The following SLC2A9 variants were observed in gnomAD, a reference collection of about 807,000 sequenced individuals.
The protein encoded by SLC2A9 is solute carrier family 2, facilitated glucose transporter member 9.
In SLC2A9, 39 loss-of-function variants were observed where a neutral mutation model predicts 50.6. That is an observed-to-expected ratio of 0.77 (90% CI 0.60 to 1.01). The LOEUF (loss-of-function observed/expected upper bound fraction) is 1.01. SLC2A9 is among the 50% of genes least tolerant of loss of function. The pLI is 0.00. For synonymous variants in SLC2A9, 324 were observed against 276.9 expected, an observed-to-expected ratio of 1.17 and a Z score of -1.69; for missense variants, 686 against 677.6, an observed-to-expected ratio of 1.01 and a Z score of -0.14.
chr4:9,833,072 C>T (rs1409665586), intron 11 of SLC2A9, among the ~76,000 whole-genome samples: 3 of 152,148 alleles, frequency 2.0e-5, no homozygotes, highest in Admixed American at 6.5e-5. Context: ...TTAACTTTTG[C>T]CACAATAATG....
At chr4:9,843,322 TAAC>T (rs932086860) in intron 10 of SLC2A9, among the ~76,000 whole-genome samples, 1 of 152,202 alleles carries the variant, frequency 6.6e-6, no homozygotes, top group Admixed American at 6.6e-5. Flanking sequence ...CCATTACTAA[TAAC>T]AACAGTGAAG....
chr4:9,939,206 C>G (rs1747678105), intron 6 of SLC2A9, among the ~76,000 whole-genome samples: 1 of 152,154 alleles, frequency 6.6e-6, no homozygotes. Flanking sequence ...TAAGGCCAAC[C>G]TAGGTCAGCC....
intron 3 of SLC2A9, among the ~76,000 whole-genome samples, chr4:9,818,446 C>G (rs776815358): frequency 6.6e-6 from 1 of 152,164 alleles, no homozygotes. Context: ...ATTGCAATAG[C>G]GGAGACAGCT....
intron 3 of SLC2A9, among the ~76,000 whole-genome samples, chr4:9,804,500 G>C (rs1239354440): frequency 6.6e-6 from 1 of 152,022 alleles, no homozygotes; most frequent in Non-Finnish European, 1.5e-5. Flanking sequence ...GTGAGGGGTA[G>C]GACCCTCTTT....
chr4:9,972,330 C>T (rs1257915982), intron 5 of SLC2A9, among the ~76,000 whole-genome samples: 1 of 152,076 alleles, frequency 6.6e-6, no homozygotes, highest in Non-Finnish European at 1.5e-5. Context: ...TCATCTAAGT[C>T]TATTTCTTCT....
chr4:9,833,411 T>C (rs1207162418), intron 11 of SLC2A9, among the ~76,000 whole-genome samples: 1 of 152,140 alleles, frequency 6.6e-6, no homozygotes, highest in African/African-American at 2.4e-5. Context: ...GGTGGTGAAG[T>C]GGAGAAACTG....
intron 8 of SLC2A9, among the ~76,000 whole-genome samples, chr4:9,897,109 A>G (rs1179708059): frequency 6.6e-6 from 1 of 152,232 alleles, no homozygotes; most frequent in Non-Finnish European, 1.5e-5. Flanking sequence ...CTAAGGTTGC[A>G]CAGTGAGTCA....
intron 3 of SLC2A9, among the ~76,000 whole-genome samples, chr4:9,802,712 C>G (rs766657424): frequency 3.6e-4 from 54 of 151,972 alleles, no homozygotes; most frequent in Non-Finnish European, 7.2e-4. Context: ...GTGCCCACCA[C>G]TACGCCTGGC....
At chr4:9,828,073 C>A (rs1725434272) in intron 11 of SLC2A9, among the ~76,000 whole-genome samples, 1 of 152,220 alleles carries the variant, frequency 6.6e-6, no homozygotes, top group Admixed American at 6.5e-5. Flanking sequence ...AGTGGAGCCT[C>A]TAAAACTGCC....
chr4:10,012,187 T>C (rs2109443631), intron 2 of SLC2A9, among the ~76,000 whole-genome samples: 1 of 152,338 alleles, frequency 6.6e-6, no homozygotes, highest in Non-Finnish European at 1.5e-5. Flanking sequence ...GAACGTTTGC[T>C]GATTCACAGA....
intron 3 of SLC2A9, among the ~76,000 whole-genome samples, chr4:9,819,020 A>G (rs7656266): frequency 0.93 from 141,482 of 151,598 alleles, 66,303 homozygotes; most frequent in Non-Finnish European, 0.96. Flanking sequence ...AACTCGGGAG[A>G]CTGAGGCAGA....
chr4:9,828,296 T>A (rs148507678), intron 11 of SLC2A9, among the ~76,000 whole-genome samples: 1 of 152,334 alleles, frequency 6.6e-6, no homozygotes, highest in East Asian at 1.9e-4. Flanking sequence ...CAAGCCACCA[T>A]CATGTTTTGC....
chr4:9,845,770 C>A (rs1397908085), intron 10 of SLC2A9, among the ~76,000 whole-genome samples: 1 of 152,150 alleles, frequency 6.6e-6, no homozygotes, highest in Non-Finnish European at 1.5e-5. Context: ...TGCCTATAAA[C>A]CCCCTTAGAA....
chr4:9,837,900 G>C (rs930714636), intron 10 of SLC2A9, among the ~76,000 whole-genome samples: 1 of 152,158 alleles, frequency 6.6e-6, no homozygotes, highest in East Asian at 1.9e-4. Context: ...TAGTGGACTG[G>C]AGCTTGGGCT....
At chr4:9,915,706 T>G (rs1239534284) in intron 7 of SLC2A9, among the ~76,000 whole-genome samples, 1 of 152,190 alleles carries the variant, frequency 6.6e-6, no homozygotes, top group Non-Finnish European at 1.5e-5. Context: ...TGACCACAGT[T>G]CAGGGTGGCC....
chr4:9,803,789 G>A (rs183410454), intron 3 of SLC2A9, among the ~76,000 whole-genome samples: 74 of 152,274 alleles, frequency 4.9e-4, no homozygotes, highest in African/African-American at 1.7e-3. Flanking sequence ...AGAACCCAGC[G>A]GATGCAGTAG....
At chr4:9,800,635 AT>A (rs1287659430) in intron 3 of SLC2A9, among the ~76,000 whole-genome samples, 1 of 152,184 alleles carries the variant, frequency 6.6e-6, no homozygotes, top group Non-Finnish European at 1.5e-5. Flanking sequence ...GCATCCTTGG[AT>A]TTAAGTATCC....
chr4:9,782,554 G>A (rs774650319), intron 3 of SLC2A9: 6 of 1,613,758 alleles, frequency 3.7e-6, no homozygotes, highest in Non-Finnish European at 5.1e-6. Context: ...CCTTCATTCC[G>A]GTCCAGCTCA....
chr4:9,886,843 G>A (rs1276017844), intron 10 of SLC2A9, among the ~76,000 whole-genome samples: 1 of 152,198 alleles, frequency 6.6e-6, no homozygotes, highest in African/African-American at 2.4e-5. Flanking sequence ...CAGGGCCAGG[G>A]AATGGTAGGG....
Sources: allele counts gnomAD v4.1 joint callset (sites outside exome capture counted in the v4.1 genomes callset), GRCh38; gene constraint gnomAD v4.1.1; transcripts MANE v1.5; gene names NCBI Gene and HGNC (gene_info 2026-07-23, HGNC 2026-07-21).